NPAS3: variants seen among roughly 807,000 people sequenced by gnomAD.
The protein encoded by NPAS3 is neuronal PAS domain-containing protein 3.
NPAS3 carries 14 observed loss-of-function variants against 73.1 expected under a neutral mutation model. That is an observed-to-expected ratio of 0.19 (90% CI 0.13 to 0.30). NPAS3 has a LOEUF of 0.30. Among genes scored for constraint, NPAS3 ranks in the 10% least tolerant of loss-of-function variants. NPAS3 has a pLI of 1.00. For missense variants in NPAS3, 1,096 were observed against 1,250.0 expected (o/e 0.88, Z 1.86); for synonymous variants, 620 against 541.5 (o/e 1.14, Z -2.01).
At position 33,557,855 on chromosome 14, in the gene NPAS3, G is replaced by C. The variant is rs2055435661; in HGVS notation, c.469-2266G>C. ...GTGGTGGCGGGTGCCCGTAGTCCCAGCTACTTGGGAGGCTGAGGCAGGAGA... is the reference window on the plus strand; with the variant it reads ...GTGGTGGCGGGTGCCCGTAGTCCCACCTACTTGGGAGGCTGAGGCAGGAGA... On this transcript the variant is annotated intron_variant, in intron 4 of 11. Transcript: ENST00000356141. Among the ~76,000 whole-genome samples the C allele has an allele frequency of 2.0e-5, 3 of 152,214 alleles. No individual in the cohort carries two copies. The South Asian group carries it at 6.2e-4, about 31-fold the overall frequency.
intron 4 of NPAS3, among the ~76,000 whole-genome samples, chr14:33,384,699 C>T (rs2046702764): frequency 6.6e-6 from 1 of 152,214 alleles, no homozygotes; most frequent in South Asian, 2.1e-4. Context: ...TATCCCACTC[C>T]AGCCTGGGCA....
intron 2 of NPAS3, among the ~76,000 whole-genome samples, chr14:33,194,462 T>G (rs8004626): frequency 0.32 from 48,263 of 151,946 alleles, 7,926 homozygotes; most frequent in East Asian, 0.56. Flanking sequence ...CTACAGAAGA[T>G]CAAGTGAAAT....
intron 7 of NPAS3, among the ~76,000 whole-genome samples, chr14:33,751,642 T>C (rs2061965899): frequency 1.3e-5 from 2 of 152,210 alleles, no homozygotes; most frequent in African/African-American, 4.8e-5. Context: ...GCGCCCACAG[T>C]TTCCCTTGAA....
At chr14:33,576,600 C>T (rs1353084541) in intron 5 of NPAS3, among the ~76,000 whole-genome samples, 1 of 152,102 alleles carries the variant, frequency 6.6e-6, no homozygotes, top group Non-Finnish European at 1.5e-5. Context: ...AGAGGGAGAT[C>T]TCAATAAATA....
chr14:33,114,975 G>T (rs1297923789), intron 2 of NPAS3, among the ~76,000 whole-genome samples: 7 of 152,144 alleles, frequency 4.6e-5, no homozygotes, highest in Non-Finnish European at 8.8e-5. Flanking sequence ...GGGAGAAGGA[G>T]AAGTTCATGA....
At chr14:33,572,199 T>C (rs1173983442) in intron 5 of NPAS3, among the ~76,000 whole-genome samples, 1 of 152,212 alleles carries the variant, frequency 6.6e-6, no homozygotes. Flanking sequence ...ATGATTGACT[T>C]GTGCATTCCT....
intron 4 of NPAS3, among the ~76,000 whole-genome samples, chr14:33,389,416 A>G (rs2138577542): frequency 1.3e-5 from 2 of 152,312 alleles, no homozygotes; most frequent in South Asian, 4.1e-4. Context: ...TAGTCTTCCT[A>G]ATCACCCTCA....
intron 1 of NPAS3, among the ~76,000 whole-genome samples, chr14:33,002,622 C>T (rs576676332): frequency 3.3e-5 from 5 of 152,142 alleles, no homozygotes; most frequent in South Asian, 4.2e-4. Flanking sequence ...AGTTGTGAAA[C>T]GTAGGATATA....
intron 4 of NPAS3, among the ~76,000 whole-genome samples, chr14:33,473,978 A>G (rs1370973286): frequency 1.3e-5 from 2 of 152,188 alleles, no homozygotes; most frequent in Non-Finnish European, 2.9e-5. Flanking sequence ...GCAGAAACAT[A>G]TGGTACTATT....
At chr14:33,222,558 T>G (rs1303202101) in intron 3 of NPAS3, among the ~76,000 whole-genome samples, 2 of 152,224 alleles carry the variant, frequency 1.3e-5, no homozygotes, top group Non-Finnish European at 2.9e-5. Flanking sequence ...TACATTATTC[T>G]GTTGGTTTGT....
At chr14:33,746,499 ATTC>A (rs1310606606) in intron 7 of NPAS3, among the ~76,000 whole-genome samples, 1 of 142,592 alleles carries the variant, frequency 7.0e-6, no homozygotes, top group African/African-American at 2.9e-5. Flanking sequence ...CTACTGACTC[ATTC>A]TTTTTTTTTT....
chr14:33,666,236 A>T (rs979938547), intron 5 of NPAS3, among the ~76,000 whole-genome samples: 16 of 152,168 alleles, frequency 1.1e-4, no homozygotes, highest in African/African-American at 3.6e-4. Context: ...GTCCAAGAAG[A>T]GTGTAATACA....
chr14:33,653,035 G>A (rs759104327), intron 5 of NPAS3, among the ~76,000 whole-genome samples: 1 of 152,188 alleles, frequency 6.6e-6, no homozygotes, highest in Non-Finnish European at 1.5e-5. Context: ...GGCAACATTT[G>A]TACCAAATAA....
chr14:33,653,264 T>C (rs1403183164), intron 5 of NPAS3, among the ~76,000 whole-genome samples: 1 of 152,204 alleles, frequency 6.6e-6, no homozygotes, highest in Admixed American at 6.5e-5. Context: ...TAAAGCTGAC[T>C]CTTGGGTTGT....
At chr14:33,215,573 A>G (rs746909230) in intron 3 of NPAS3, 147 bp downstream of exon 3, 4 of 907,286 alleles carry the variant, frequency 4.4e-6, no homozygotes, top group African/African-American at 1.6e-5. Flanking sequence ...TGCATGAGAA[A>G]GACACCATGT....
chr14:32,965,189 A>G (rs1378129848), intron 1 of NPAS3, among the ~76,000 whole-genome samples: 1 of 152,204 alleles, frequency 6.6e-6, no homozygotes, highest in African/African-American at 2.4e-5. Flanking sequence ...AAATTGAAGT[A>G]GAGGGAGTTG....
At chr14:33,191,969 A>T (rs1416544388) in intron 2 of NPAS3, among the ~76,000 whole-genome samples, 2 of 152,192 alleles carry the variant, frequency 1.3e-5, no homozygotes, top group East Asian at 1.9e-4. Context: ...TGGTTTTTTT[A>T]AAAACAGTAA....
intron 3 of NPAS3, among the ~76,000 whole-genome samples, chr14:33,359,958 T>C (rs2045518696): frequency 6.6e-6 from 1 of 152,194 alleles, no homozygotes; most frequent in African/African-American, 2.4e-5. Flanking sequence ...AGTTCAAAAC[T>C]AGAACCTGGA....
chr14:33,150,913 G>A (rs1566613581), intron 2 of NPAS3, among the ~76,000 whole-genome samples: 1 of 152,142 alleles, frequency 6.6e-6, no homozygotes, highest in Admixed American at 6.5e-5. Context: ...CAACCAGATA[G>A]GATTTCACTG....
Sources: allele counts gnomAD v4.1 joint callset (sites outside exome capture counted in the v4.1 genomes callset), GRCh38; gene constraint gnomAD v4.1.1; transcripts MANE v1.5; gene names NCBI Gene and HGNC (gene_info 2026-07-23, HGNC 2026-07-21).